The following TMED3 variants were observed in gnomAD, a reference collection of about 807,000 sequenced individuals.
TMED3 encodes transmembrane emp24 domain-containing protein 3.
TMED3 carries 9 observed loss-of-function variants against 15.0 expected under a neutral mutation model. The observed-to-expected ratio is 0.60, with a 90% CI of 0.36 to 1.04. The LOEUF (loss-of-function observed/expected upper bound fraction) is 1.04, where lower values mean the gene tolerates loss of function less well. Among genes scored for constraint, TMED3 ranks in the 50% least tolerant of loss-of-function variants. The pLI is 0.01. For missense variants in TMED3, 267 were observed against 278.9 expected (o/e 0.96, Z 0.30); for synonymous variants, 117 against 121.4 (o/e 0.96, Z 0.24).
chr15:79,318,639 CT>C (rs2058751000), intron 2 of TMED3, among the ~76,000 whole-genome samples: 1 of 152,214 alleles, frequency 6.6e-6, no homozygotes, highest in African/African-American at 2.4e-5. Context: ...CTTGAGTTAG[CT>C]TTGACACAGG....
intron 2 of TMED3, among the ~76,000 whole-genome samples, chr15:79,363,801 G>A (rs1005906580): frequency 6.6e-6 from 1 of 152,062 alleles, no homozygotes; most frequent in Non-Finnish European, 1.5e-5. Context: ...CACCCACCTG[G>A]TGCAGCAAAG....
chr15:79,399,747 T>C (rs908038479), intron 2 of TMED3, among the ~76,000 whole-genome samples: 23 of 152,340 alleles, frequency 1.5e-4, no homozygotes, highest in African/African-American at 5.5e-4. Context: ...CCAACCTAAA[T>C]GGGCTCTGGA....
At chr15:79,321,188 C>T (rs1225059919) in intron 2 of TMED3, among the ~76,000 whole-genome samples, 2 of 152,218 alleles carry the variant, frequency 1.3e-5, no homozygotes, top group Non-Finnish European at 2.9e-5. Context: ...ATCTTCAGGT[C>T]AGCTGTGTCA....
At chr15:79,383,343 G>T in intron 2 of TMED3, 1 of 284,102 alleles carries the variant, frequency 3.5e-6, no homozygotes, top group Non-Finnish European at 6.6e-6. Flanking sequence ...AATGTATTGA[G>T]TAGAAGCTCT....
At chr15:79,343,519 T>G (rs1480968272) in intron 2 of TMED3, among the ~76,000 whole-genome samples, 2 of 152,216 alleles carry the variant, frequency 1.3e-5, no homozygotes, top group East Asian at 3.9e-4. Flanking sequence ...TGAAAGATAT[T>G]TGGGTTGTTT....
At chr15:79,356,400 A>T (rs943694453) in intron 2 of TMED3, among the ~76,000 whole-genome samples, 1 of 152,216 alleles carries the variant, frequency 6.6e-6, no homozygotes, top group Non-Finnish European at 1.5e-5. Flanking sequence ...TATTTGGTGA[A>T]TGAATGGAAG....
intron 2 of TMED3, among the ~76,000 whole-genome samples, chr15:79,364,952 C>T (rs766631302): frequency 6.6e-6 from 1 of 152,240 alleles, no homozygotes; most frequent in Non-Finnish European, 1.5e-5. Flanking sequence ...TGCAAAAAGG[C>T]AGAGGGTCCA....
downstream of TMED3, among the ~76,000 whole-genome samples, chr15:79,323,279 A>T (rs955332181): frequency 6.6e-6 from 1 of 152,182 alleles, no homozygotes; most frequent in African/African-American, 2.4e-5. Flanking sequence ...TGGAGGGAAG[A>T]TACAGTGTCT....
At chr15:79,345,050 C>G (rs1249692710) in intron 2 of TMED3, among the ~76,000 whole-genome samples, 1 of 152,054 alleles carries the variant, frequency 6.6e-6, no homozygotes, top group African/African-American at 2.4e-5. Context: ...AGAGAGCTAC[C>G]AATCAGGAAG....
rs563316608 is a variant in TMED3 at position 79,332,288 on chromosome 15, A to C, written c.417+18283A>C. 3.9e-5 allele frequency among the ~76,000 whole-genome samples: 6 copies of C among 152,346 alleles called. No homozygotes were observed. The East Asian group carries it at 7.7e-4, about 20-fold the overall frequency. On this transcript the variant is annotated intron_variant, in intron 2 of 2. Coordinates refer to the TMED3 transcript ENST00000424155. The stretch of plus-strand genomic sequence containing the variant: ...AGAATTAATAACTGTATTAATTGAG[A>C]GCAGCAGACAGGATTGCCCATCAGG...
chr15:79,374,860 G>A (rs780728406), intron 2 of TMED3, among the ~76,000 whole-genome samples: 1 of 152,260 alleles, frequency 6.6e-6, no homozygotes, highest in Non-Finnish European at 1.5e-5. Flanking sequence ...TGGACCCCAA[G>A]AAACACAGTC....
chr15:79,395,427 C>T (rs368579147), intron 2 of TMED3, among the ~76,000 whole-genome samples: 110 of 152,268 alleles, frequency 7.2e-4, no homozygotes, highest in Admixed American at 3.5e-3. Flanking sequence ...GTGATCCACC[C>T]GCATGGGCCT....
intron 2 of TMED3, among the ~76,000 whole-genome samples, chr15:79,359,327 G>C (rs562173169): frequency 1.8e-4 from 27 of 149,306 alleles, no homozygotes; most frequent in African/African-American, 5.7e-4. Flanking sequence ...CCGCCTCCCA[G>C]GTTCAAGCCA....
chr15:79,397,763 G>A (rs1893779508), intron 2 of TMED3, among the ~76,000 whole-genome samples: 1 of 152,196 alleles, frequency 6.6e-6, no homozygotes, highest in African/African-American at 2.4e-5. Flanking sequence ...AGGAGAGGCA[G>A]CATTAAGAGT....
At chr15:79,383,023 C>T (rs1893562901) in intron 2 of TMED3, 1 of 1,535,428 alleles carries the variant, frequency 6.5e-7, no homozygotes. Context: ...GTGTGATCAC[C>T]ATCTGGGATC....
intron 2 of TMED3, chr15:79,411,346 T>C (rs539301137): frequency 7.2e-6 from 5 of 698,290 alleles, no homozygotes; most frequent in South Asian, 6.0e-5. Context: ...TCCTGGGCAG[T>C]TCATGGTTCC....
At chr15:79,345,937 C>T (rs1040520772) in intron 2 of TMED3, among the ~76,000 whole-genome samples, 8 of 152,118 alleles carry the variant, frequency 5.3e-5, no homozygotes, top group East Asian at 1.9e-4. Flanking sequence ...TTGTTGGCCA[C>T]GTGTATGCCT....
chr15:79,409,677 C>G (rs1893945917), intron 2 of TMED3, among the ~76,000 whole-genome samples: 2 of 152,150 alleles, frequency 1.3e-5, no homozygotes, highest in East Asian at 3.8e-4. Context: ...TGAATGTTTT[C>G]CTCAGCCTTC....
intron 2 of TMED3, among the ~76,000 whole-genome samples, chr15:79,328,100 C>T (rs959684600): frequency 5.3e-5 from 8 of 152,284 alleles, no homozygotes; most frequent in African/African-American, 1.4e-4. Context: ...TGCCAAAGCA[C>T]GTTACTTTCT....
Sources: allele counts gnomAD v4.1 joint callset (sites outside exome capture counted in the v4.1 genomes callset), GRCh38; gene constraint gnomAD v4.1.1; transcripts MANE v1.5; gene names NCBI Gene and HGNC (gene_info 2026-07-23, HGNC 2026-07-21).